Variants in GUCY1A2 observed in about 807,000 individuals in gnomAD.
GUCY1A2 encodes the protein guanylate cyclase 1 soluble subunit alpha 2.
A neutral mutation model predicts 63.5 loss-of-function variants in GUCY1A2; 27 were observed. That is an observed-to-expected ratio of 0.43 (90% CI 0.31 to 0.59). GUCY1A2 has a LOEUF of 0.59. Among genes scored for constraint, GUCY1A2 ranks in the 20% least tolerant of loss-of-function variants. The pLI is 0.11. For missense variants in GUCY1A2, 768 were observed against 913.3 expected, an observed-to-expected ratio of 0.84 and a Z score of 2.05; for synonymous variants, 364 against 343.5, an observed-to-expected ratio of 1.06 and a Z score of -0.66.
chr11:106,721,102 A>G (rs1307815565), intron 6 of GUCY1A2, among the ~76,000 whole-genome samples: 1 of 147,996 alleles, frequency 6.8e-6, no homozygotes, highest in Non-Finnish European at 1.5e-5. Flanking sequence ...TCTGTCACCC[A>G]GGCTGGAGTG....
intron 6 of GUCY1A2, among the ~76,000 whole-genome samples, chr11:106,758,959 T>G (rs1330510722): frequency 6.6e-6 from 1 of 152,112 alleles, no homozygotes; most frequent in Non-Finnish European, 1.5e-5. Flanking sequence ...TTATTCATAT[T>G]GATGTCTTCT....
Position 106,677,841 on chromosome 11 carries a change from A to G in GUCY1A2, c.*9708T>C, listed in dbSNP as rs563741280. The G allele has an allele frequency of 1.7e-4, 35 of 207,254 alleles. No homozygotes were observed. Among genetic ancestry groups the G allele is most frequent in the Non-Finnish European group, 2.7e-4 (27 of 101,426 alleles). 12.8% of individuals were successfully genotyped at this position (207,254 alleles called of 1,614,324 possible). On this transcript the variant is annotated 3_prime_UTR_variant, in exon 8 of 8. Transcript: ENST00000526355. Reference sequence around the variant, plus strand: ...AGTTGCATTTCATCTGAATCCAACTAAATATTTCATACATGTTCATAAAAT... The same window carrying G: ...AGTTGCATTTCATCTGAATCCAACTGAATATTTCATACATGTTCATAAAAT...
chr11:106,913,124 G>GATAT (rs34248768), intron 4 of GUCY1A2, among the ~76,000 whole-genome samples: 1 of 147,318 alleles, frequency 6.8e-6, no homozygotes, highest in African/African-American at 2.5e-5. Context: ...TTTTTCAAAA[G>GATAT]ATATATATAT....
intron 3 of GUCY1A2, among the ~76,000 whole-genome samples, chr11:106,949,474 T>TA (rs140496382): frequency 0.093 from 14,155 of 152,144 alleles, 1,440 homozygotes; most frequent in East Asian, 0.29. Flanking sequence ...GATTCTGTTC[T>TA]CCTACCTACC....
chr11:106,757,476 G>A (rs752867168), intron 6 of GUCY1A2, among the ~76,000 whole-genome samples: 48 of 152,114 alleles, frequency 3.2e-4, no homozygotes, highest in African/African-American at 5.1e-4. Flanking sequence ...GTTTCTCCCC[G>A]TCTTTGTGGA....
At chr11:106,748,162 G>A (rs1212760006) in intron 6 of GUCY1A2, among the ~76,000 whole-genome samples, 2 of 152,160 alleles carry the variant, frequency 1.3e-5, no homozygotes, top group Non-Finnish European at 2.9e-5. Context: ...CACACCTTCA[G>A]AGCATAAAAA....
chr11:106,853,252 C>G (rs1198433192), intron 4 of GUCY1A2, among the ~76,000 whole-genome samples: 1 of 151,980 alleles, frequency 6.6e-6, no homozygotes, highest in Non-Finnish European at 1.5e-5. Flanking sequence ...CATCTCTTCT[C>G]CTTCTGAAAA....
intron 4 of GUCY1A2, among the ~76,000 whole-genome samples, chr11:106,877,795 G>GTGC (rs1859770237): frequency 6.6e-6 from 1 of 152,026 alleles, no homozygotes. Context: ...TTACACTGAA[G>GTGC]AGCTTCTTCA....
chr11:106,866,854 A>G (rs1281955968), intron 4 of GUCY1A2, among the ~76,000 whole-genome samples: 1 of 152,034 alleles, frequency 6.6e-6, no homozygotes, highest in Non-Finnish European at 1.5e-5. Flanking sequence ...AACAACCTAC[A>G]GTAATGAATT....
intron 6 of GUCY1A2, among the ~76,000 whole-genome samples, chr11:106,772,619 T>C (rs1864277293): frequency 6.6e-6 from 1 of 152,196 alleles, no homozygotes; most frequent in Admixed American, 6.5e-5. Context: ...ATCTGATTCA[T>C]AAGAAAGAGC....
chr11:106,702,555 A>C (rs1055558368), intron 7 of GUCY1A2, among the ~76,000 whole-genome samples: 1 of 152,092 alleles, frequency 6.6e-6, no homozygotes, highest in Admixed American at 6.6e-5. Context: ...ACTGCTTCTT[A>C]AATATAGAAA....
At chr11:106,827,274 T>A in intron 4 of GUCY1A2, 2 of 1,554,978 alleles carry the variant, frequency 1.3e-6, no homozygotes, top group East Asian at 2.2e-5. Flanking sequence ...TTCTTTTATA[T>A]GCAATTTTAG....
intron 4 of GUCY1A2, among the ~76,000 whole-genome samples, chr11:106,903,158 C>G (rs1159845649): frequency 6.6e-6 from 1 of 152,060 alleles, no homozygotes; most frequent in Non-Finnish European, 1.5e-5. Context: ...AAAGTCCCAA[C>G]AGCAGAATGC....
Position 106,709,643 on chromosome 11 carries a change from G to T in GUCY1A2, c.1837-977C>A, listed in dbSNP as rs968165689. Among the ~76,000 whole-genome samples, 57 of 78,464 alleles carry T rather than the reference G, an allele frequency of 7.3e-4. 2 individuals are homozygous for T. Among genetic ancestry groups the T allele is most frequent in the African/African-American group, 3.9e-3 (52 of 13,218 alleles). The allele number at this position is 78,464 out of a possible 152,430, so 51.5% of individuals were successfully genotyped here. A position where few individuals can be genotyped will look rare whatever the true frequency, so the allele number is the denominator to read the frequency against. On this transcript the variant is annotated intron_variant, in intron 6 of 7. Transcript: ENST00000526355. ...CGTGTATATATTATATACACGTATA[G>T]AATATATAGTTATATACACGTATAG...
At chr11:107,011,479 AC>A (rs1184574735) in intron 1 of GUCY1A2, among the ~76,000 whole-genome samples, 1 of 149,196 alleles carries the variant, frequency 6.7e-6, no homozygotes, top group African/African-American at 2.5e-5. Flanking sequence ...TAAACTATAC[AC>A]TAAAAAGGAA....
At chr11:106,864,900 G>C (rs1471647563) in intron 4 of GUCY1A2, among the ~76,000 whole-genome samples, 1 of 152,046 alleles carries the variant, frequency 6.6e-6, no homozygotes, top group South Asian at 2.1e-4. Context: ...GTCTCTGCCA[G>C]GTTTTGGTAT....
intron 7 of GUCY1A2, among the ~76,000 whole-genome samples, chr11:106,705,098 G>GTAAA (rs1862885531): frequency 6.6e-6 from 1 of 151,996 alleles, no homozygotes; most frequent in Non-Finnish European, 1.5e-5. Context: ...GTAATGTCAT[G>GTAAA]TAAATAATGT....
chr11:106,904,517 CA>C (rs1277524247), intron 4 of GUCY1A2, among the ~76,000 whole-genome samples: 1 of 152,002 alleles, frequency 6.6e-6, no homozygotes, highest in African/African-American at 2.4e-5. Flanking sequence ...GAGCACTTAA[CA>C]ATCAATTTCA....
intron 5 of GUCY1A2, among the ~76,000 whole-genome samples, chr11:106,799,377 A>C (rs771068333): frequency 9.2e-5 from 14 of 152,304 alleles, no homozygotes; most frequent in Middle Eastern, 3.4e-3. Context: ...GACTTTCTTC[A>C]CAGAATTGGA....
Sources: allele counts gnomAD v4.1 joint callset (sites outside exome capture counted in the v4.1 genomes callset), GRCh38; gene constraint gnomAD v4.1.1; transcripts MANE v1.5; gene names NCBI Gene and HGNC (gene_info 2026-07-23, HGNC 2026-07-21).